Variants in LUZP2 observed in about 807,000 individuals in gnomAD.
The protein encoded by LUZP2 is leucine zipper protein 2.
A neutral mutation model predicts 51.6 loss-of-function variants in LUZP2; 52 were observed. The ratio of observed to expected loss-of-function variants is 1.01; its 90% CI spans 0.81 to 1.27. The LOEUF (loss-of-function observed/expected upper bound fraction) is 1.27, where lower values mean the gene tolerates loss of function less well. Among genes scored for constraint, LUZP2 ranks in the 50% most tolerant of loss-of-function variants. The pLI, the probability that LUZP2 is intolerant of heterozygous loss-of-function variation, is 0.00. For missense variants in LUZP2, 436 were observed against 395.4 expected, an observed-to-expected ratio of 1.10 and a Z score of -0.87; for synonymous variants, 154 against 137.3, an observed-to-expected ratio of 1.12 and a Z score of -0.85.
chr11:24,592,657 T>G (rs1332642278), intron 1 of LUZP2, among the ~76,000 whole-genome samples: 1 of 149,318 alleles, frequency 6.7e-6, no homozygotes, highest in Non-Finnish European at 1.5e-5. Flanking sequence ...GCTTATGTGA[T>G]CCTACTGATG....
intron 9 of LUZP2, among the ~76,000 whole-genome samples, chr11:25,010,614 A>G (rs1415626720): frequency 6.6e-6 from 1 of 152,088 alleles, no homozygotes; most frequent in African/African-American, 2.4e-5. Context: ...TGGGAGGCTG[A>G]GGGAGGCTTG....
At chr11:25,067,067 A>T (rs1859017519) in intron 10 of LUZP2, among the ~76,000 whole-genome samples, 1 of 152,014 alleles carries the variant, frequency 6.6e-6, no homozygotes, top group African/African-American at 2.4e-5. Context: ...TTGGGTTGAG[A>T]TTCATTATCA....
At chr11:24,572,684 C>CAGGG (rs1157695672) in intron 1 of LUZP2, among the ~76,000 whole-genome samples, 7 of 151,958 alleles carry the variant, frequency 4.6e-5, no homozygotes, top group Non-Finnish European at 1.0e-4. Flanking sequence ...CTTGATGTCT[C>CAGGG]TCTGCATCAG....
chr11:24,586,312 A>T (rs535784292), intron 1 of LUZP2, among the ~76,000 whole-genome samples: 2 of 152,194 alleles, frequency 1.3e-5, no homozygotes, highest in Admixed American at 1.3e-4. Context: ...TCTTGAAGCC[A>T]TTATGCTTCT....
At chr11:24,991,390 G>GTATATA (rs748533379) in intron 9 of LUZP2, among the ~76,000 whole-genome samples, 66 of 63,552 alleles carry the variant, frequency 1.0e-3, no homozygotes, top group Middle Eastern at 9.6e-3. Flanking sequence ...GTGTGTGTGT[G>GTATATA]TGTGTGTATA....
intron 9 of LUZP2, among the ~76,000 whole-genome samples, chr11:25,017,607 T>C (rs1857194833): frequency 6.6e-6 from 1 of 152,180 alleles, no homozygotes. Context: ...ATTCTGTTTC[T>C]TTCGTTTATG....
intron 1 of LUZP2, among the ~76,000 whole-genome samples, chr11:24,664,468 G>C (rs943123446): frequency 6.6e-6 from 1 of 152,150 alleles, no homozygotes; most frequent in African/African-American, 2.4e-5. Context: ...GGAGCCAAGT[G>C]TTAATCACCA....
At chr11:24,570,934 T>C (rs1034612632) in intron 1 of LUZP2, among the ~76,000 whole-genome samples, 1 of 152,034 alleles carries the variant, frequency 6.6e-6, no homozygotes. Flanking sequence ...AAGGGTAATA[T>C]GGAAAGCAAA....
chr11:24,604,490 AT>A (rs1366385246), intron 1 of LUZP2, among the ~76,000 whole-genome samples: 1 of 151,774 alleles, frequency 6.6e-6, no homozygotes, highest in Admixed American at 6.6e-5. Flanking sequence ...CTAGTATGCA[AT>A]TTTTTCTTCT....
intron 4 of LUZP2, among the ~76,000 whole-genome samples, chr11:24,739,835 G>C (rs1746704515): frequency 1.3e-5 from 2 of 152,170 alleles, no homozygotes; most frequent in African/African-American, 4.8e-5. Flanking sequence ...ACTGTTATCT[G>C]TTCTGTTCAC....
At chr11:24,863,644 T>G (rs2134250003) in intron 5 of LUZP2, among the ~76,000 whole-genome samples, 1 of 152,298 alleles carries the variant, frequency 6.6e-6, no homozygotes, top group Non-Finnish European at 1.5e-5. Flanking sequence ...ATGAAAATTA[T>G]TTAACTGAAA....
intron 1 of LUZP2, among the ~76,000 whole-genome samples, chr11:24,589,571 C>T (rs1853189122): frequency 6.6e-6 from 1 of 152,122 alleles, no homozygotes; most frequent in Admixed American, 6.6e-5. Context: ...CTGAATGGAG[C>T]ATAGAATACA....
At chr11:24,629,549 C>CATAT (rs3078021) in intron 1 of LUZP2, among the ~76,000 whole-genome samples, 15,998 of 140,794 alleles carry the variant, frequency 0.11, 1,024 homozygotes, top group African/African-American at 0.16. Flanking sequence ...TATTCCATTG[C>CATAT]ATATATATAT....
At position 24,763,260 on chromosome 11, in the gene LUZP2, G is replaced by A; in HGVS notation, c.348G>A (p.Lys116=). ...TTCATTTTCAGATTAATTTTTTAAA[G>A]ACTGAAGTTGAAAGAAAGAGCAAAA... is the stretch of plus-strand genomic sequence containing the variant. The part of the protein sequence containing the change: ...EKHQATINFL[K]TEVERKSKMI... Residue 116 remains lysine, a synonymous_variant, in exon 5 of 12, where the codon AAG becomes AAA. Transcript: ENST00000336930. The A allele has an allele frequency of 7.2e-7, 1 of 1,386,976 alleles. No individual in the cohort carries two copies. Among genetic ancestry groups the A allele is most frequent in the Non-Finnish European group, 9.6e-7 (1 of 1,045,766 alleles). The allele number at this position is 1,386,976 out of a possible 1,614,324, so 85.9% of individuals were successfully genotyped here. A position where few individuals can be genotyped will look rare whatever the true frequency, so the allele number is the denominator to read the frequency against.
intron 4 of LUZP2, among the ~76,000 whole-genome samples, chr11:24,749,236 T>A (rs1859489663): frequency 6.6e-6 from 1 of 152,162 alleles, no homozygotes; most frequent in Admixed American, 6.5e-5. Context: ...TTGGTGGTCT[T>A]TGGTCTTTGC....
At chr11:24,599,922 A>G (rs1021398607) in intron 1 of LUZP2, among the ~76,000 whole-genome samples, 1 of 152,098 alleles carries the variant, frequency 6.6e-6, no homozygotes, top group African/African-American at 2.4e-5. Context: ...CATGGGTTAC[A>G]TTTTGTTGAT....
At position 24,791,539 on chromosome 11, in the gene LUZP2, T is replaced by C. The variant is rs1389071093; in HGVS notation, c.396+28231T>C. ...ACTTCTATTTAAGGTTTATGAGAGTTTAAAAGCTTTTTTTCTTTTTTTGAA... is the reference window on the plus strand; with the variant it reads ...ACTTCTATTTAAGGTTTATGAGAGTCTAAAAGCTTTTTTTCTTTTTTTGAA... On this transcript the variant is annotated intron_variant, in intron 5 of 11. Coordinates refer to ENST00000336930, the MANE Select transcript of LUZP2 (RefSeq NM_001009909.4). 2.0e-5 allele frequency among the ~76,000 whole-genome samples: 3 copies of C among 149,336 alleles called. No homozygotes were observed. The East Asian group carries it at 5.8e-4, about 29-fold the overall frequency.
intron 5 of LUZP2, among the ~76,000 whole-genome samples, chr11:24,784,887 C>A (rs915412003): frequency 6.6e-6 from 1 of 151,838 alleles, no homozygotes; most frequent in Non-Finnish European, 1.5e-5. Context: ...TTTTCTATGC[C>A]TAATCACATG....
At chr11:24,715,439 C>G (rs1320539199) in intron 1 of LUZP2, among the ~76,000 whole-genome samples, 1 of 152,090 alleles carries the variant, frequency 6.6e-6, no homozygotes, top group Non-Finnish European at 1.5e-5. Context: ...ACCAACTTCT[C>G]CAGATTCTAC....
Sources: gnomAD v4.1 joint callset for allele counts (sites outside exome capture counted in the v4.1 genomes callset) on GRCh38, gnomAD v4.1.1 for gene constraint, MANE v1.5 for transcripts, NCBI Gene and HGNC (gene_info 2026-07-23, HGNC 2026-07-21) for gene names.